Variants in FSTL5 observed in about 807,000 individuals in gnomAD.
FSTL5 encodes follistatin like 5, also known as follistatin-related protein 5.
FSTL5 carries 62 observed loss-of-function variants against 89.1 expected under a neutral mutation model. That is an observed-to-expected ratio of 0.70 (90% confidence interval 0.57 to 0.86). The LOEUF (loss-of-function observed/expected upper bound fraction) is 0.86. Ranked by LOEUF, FSTL5 falls within the 40% of genes least tolerant of loss-of-function variation. The probability of loss-of-function intolerance (pLI) is 0.00; values close to 1 mark genes in which losing one functional copy is unlikely to be tolerated. For synonymous variants in FSTL5, 383 were observed against 346.2 expected (o/e 1.11, Z -1.18); for missense variants, 1,057 against 1,001.6 (o/e 1.06, Z -0.75).
intron 4 of FSTL5, among the ~76,000 whole-genome samples, chr4:161,830,336 G>GCGCT (rs1730804635): frequency 6.6e-6 from 1 of 151,976 alleles, no homozygotes; most frequent in Non-Finnish European, 1.5e-5. Context: ...AAGTTCTTAT[G>GCGCT]TGGATAGTAA....
chr4:162,153,416 A>G (rs1733306774), intron 1 of FSTL5, among the ~76,000 whole-genome samples: 1 of 151,590 alleles, frequency 6.6e-6, no homozygotes, highest in East Asian at 1.9e-4. Flanking sequence ...AATGCCAGAT[A>G]TTATATTACA....
intron 4 of FSTL5, among the ~76,000 whole-genome samples, chr4:161,829,139 T>TTATATATATATATATATATATATATATA: frequency 7.1e-6 from 1 of 139,926 alleles, no homozygotes; most frequent in Admixed American, 7.3e-5. Context: ...CAGTCACATT[T>TTATATATATATATATATATATATATATA]TATATATATA....
In FSTL5 at chr4:162,111,287, A is replaced by G; in HGVS notation, c.110T>C (p.Met37Thr). ...GYGLKSYQPL[M>T]RLRHKQEKNQ... ...TGACTGTACCTTATGTCGCAATCTC[A>G]TTAGAGGCTGATAGGATTTAAGGCC... is the stretch of plus-strand genomic sequence containing the variant. Residue 37 changes from methionine to threonine, a missense_variant, in exon 2 of 16, where the codon ATG becomes ACG. By Grantham distance (81) the Met-to-Thr change is moderately conservative. Around this residue, in one of 3 missense-constraint regions of FSTL5, gnomAD observed 980 missense variants for 903.2 expected, o/e 1.08. Coordinates refer to ENST00000306100, the MANE Select transcript of FSTL5 (RefSeq NM_020116.5). 6.2e-7 allele frequency: 1 copy of G among 1,601,074 alleles called. No homozygotes were observed. Among genetic ancestry groups the G allele is most frequent in the Admixed American group, 1.7e-5 (1 of 59,938 alleles).
At chr4:161,678,550 CT>C (rs1407995992) in intron 6 of FSTL5, among the ~76,000 whole-genome samples, 1 of 151,824 alleles carries the variant, frequency 6.6e-6, no homozygotes, top group East Asian at 1.9e-4. Flanking sequence ...AGATGGAGCT[CT>C]ATCATCACTT....
intron 4 of FSTL5, among the ~76,000 whole-genome samples, chr4:161,877,197 A>AC (rs1360032688): frequency 6.6e-6 from 1 of 150,948 alleles, no homozygotes; most frequent in Non-Finnish European, 1.5e-5. Flanking sequence ...AAAAAAAAAA[A>AC]ATTACTATGA....
intron 3 of FSTL5, among the ~76,000 whole-genome samples, chr4:161,999,562 T>C (rs2111101298): frequency 6.6e-6 from 1 of 152,308 alleles, no homozygotes; most frequent in South Asian, 2.1e-4. Context: ...GTCACTAACA[T>C]ATTTGTACTC....
chr4:161,915,854 A>G (rs1197405165), intron 4 of FSTL5, among the ~76,000 whole-genome samples: 5 of 152,200 alleles, frequency 3.3e-5, no homozygotes, highest in African/African-American at 1.2e-4. Context: ...TTTTGTTTAA[A>G]TGGTATAAAA....
chr4:161,706,423 T>C (rs1188475028), intron 6 of FSTL5, among the ~76,000 whole-genome samples: 1 of 152,036 alleles, frequency 6.6e-6, no homozygotes, highest in Non-Finnish European at 1.5e-5. Flanking sequence ...TTATTGAGAA[T>C]AGAGTTTATA....
intron 7 of FSTL5, among the ~76,000 whole-genome samples, chr4:161,603,276 C>T (rs1166165580): frequency 6.6e-6 from 1 of 152,064 alleles, no homozygotes; most frequent in African/African-American, 2.4e-5. Context: ...TTTGGTTTCC[C>T]AGTGCATATA....
chr4:161,852,715 T>C (rs1246108801), intron 4 of FSTL5, among the ~76,000 whole-genome samples: 2 of 152,182 alleles, frequency 1.3e-5, no homozygotes, highest in Non-Finnish European at 2.9e-5. Context: ...TCAACCTGAA[T>C]GGCCATCAAT....
At chr4:161,628,406 C>T (rs574273546) in intron 7 of FSTL5, among the ~76,000 whole-genome samples, 3 of 152,200 alleles carry the variant, frequency 2.0e-5, no homozygotes, top group South Asian at 2.1e-4. Context: ...GGATATGTTA[C>T]ACTCCAACCA....
chr4:161,536,378 TG>T lies in FSTL5; in HGVS notation c.1312+1787del, dbSNP rs1469753000. ...GAACCCAGATCCACAATCCTTAAGA[TG>T]GGGGTTACAAAAGGCAGTAATTTTC... On this transcript the variant is annotated intron_variant, in intron 10 of 15. Transcript: ENST00000306100. Among the ~76,000 whole-genome samples, 3 of 152,228 alleles carry T rather than the reference TG, an allele frequency of 2.0e-5. No homozygotes were observed. The East Asian group carries it at 5.8e-4, about 29-fold the overall frequency.
chr4:161,673,208 G>A (rs939981847), intron 6 of FSTL5, among the ~76,000 whole-genome samples: 3 of 151,932 alleles, frequency 2.0e-5, no homozygotes, highest in South Asian at 2.1e-4. Context: ...ACATGATTCC[G>A]CCTGTACCTA....
chr4:161,553,897 ACAT>A (rs1732299068), intron 8 of FSTL5, among the ~76,000 whole-genome samples: 1 of 151,664 alleles, frequency 6.6e-6, no homozygotes, highest in South Asian at 2.1e-4. Context: ...TTTAAAAACG[ACAT>A]CATCATTTAA....
intron 4 of FSTL5, among the ~76,000 whole-genome samples, chr4:161,776,310 A>G (rs1392057642): frequency 6.6e-6 from 1 of 152,066 alleles, no homozygotes; most frequent in Non-Finnish European, 1.5e-5. Context: ...TTTGTTTATG[A>G]GGAAGGCATA....
At chr4:161,561,391 A>G (rs1329738944) in intron 8 of FSTL5, among the ~76,000 whole-genome samples, 1 of 151,990 alleles carries the variant, frequency 6.6e-6, no homozygotes, top group Non-Finnish European at 1.5e-5. Flanking sequence ...ATGGAAAGTG[A>G]GAGAATAGGT....
chr4:161,617,355 T>C (rs1285964674), intron 7 of FSTL5, among the ~76,000 whole-genome samples: 5 of 151,978 alleles, frequency 3.3e-5, no homozygotes, highest in African/African-American at 4.8e-5. Context: ...AGAGAAAAAG[T>C]ACTAAAGAAA....
intron 10 of FSTL5, among the ~76,000 whole-genome samples, chr4:161,515,757 A>G (rs1261120858): frequency 6.6e-6 from 1 of 151,796 alleles, no homozygotes; most frequent in Non-Finnish European, 1.5e-5. Context: ...TAGCATAAGT[A>G]ATAGAAGCTC....
At chr4:161,431,196 T>C (rs1294280202) in intron 15 of FSTL5, among the ~76,000 whole-genome samples, 1 of 152,148 alleles carries the variant, frequency 6.6e-6, no homozygotes, top group African/African-American at 2.4e-5. Flanking sequence ...ACTCATATCT[T>C]GACTAGAAAG....
Sources: allele counts gnomAD v4.1 joint callset (sites outside exome capture counted in the v4.1 genomes callset), GRCh38; gene constraint gnomAD v4.1.1; regional missense constraint gnomAD v4.1.1; transcripts MANE v1.5; gene names NCBI Gene and HGNC (gene_info 2026-07-23, HGNC 2026-07-21).